The following UBE3D variants were observed in gnomAD, a reference collection of about 807,000 sequenced individuals.
UBE3D encodes the protein E3 ubiquitin-protein ligase E3D.
A neutral mutation model predicts 49.6 loss-of-function variants in UBE3D; 48 were observed. The observed-to-expected ratio is 0.97, with a 90% CI of 0.77 to 1.23. The LOEUF (loss-of-function observed/expected upper bound fraction) is 1.23. UBE3D is among the 50% of genes most tolerant of loss of function. The pLI is 0.00. For missense variants in UBE3D, 452 were observed against 468.4 expected (o/e 0.96, Z 0.32); for synonymous variants, 189 against 174.2 (o/e 1.08, Z -0.67).
At chr6:83,039,375 T>G (rs983235202) in intron 4 of UBE3D, among the ~76,000 whole-genome samples, 1 of 152,180 alleles carries the variant, frequency 6.6e-6, no homozygotes, top group Non-Finnish European at 1.5e-5. Context: ...AGGAAAAAAA[T>G]TTTAACTGAT....
rs1171465722 is a variant in UBE3D at position 83,053,156 on chromosome 6, TGTTA to T, written c.365+988_365+991del. Reference sequence around the variant, plus strand: ...AATTTTTTAAAAACTCATCAGCAATTGTTAGTGTTAGTGTATTTTATGTGTAGCC... The same window carrying T: ...AATTTTTTAAAAACTCATCAGCAATTGTGTTAGTGTATTTTATGTGTAGCC... On this transcript the variant is annotated intron_variant, in intron 3 of 9. Transcript: ENST00000369747. Among the ~76,000 whole-genome samples, 7 of 22,444 alleles carry T rather than the reference TGTTA, an allele frequency of 3.1e-4. No individual in the cohort carries two copies. The South Asian group carries it at 9.5e-3, about 30-fold the overall frequency. 14.7% of individuals were successfully genotyped at this position (22,444 alleles called of 152,430 possible). A position where few individuals can be genotyped will look rare whatever the true frequency, so the allele number is the denominator to read the frequency against.
chr6:82,998,109 G>T (rs1779371456), intron 8 of UBE3D, among the ~76,000 whole-genome samples: 1 of 152,234 alleles, frequency 6.6e-6, no homozygotes, highest in Non-Finnish European at 1.5e-5. Context: ...CTGAAGCCTT[G>T]CATAGGTACC....
chr6:82,901,599 G>T (rs61145837), intron 9 of UBE3D, among the ~76,000 whole-genome samples: 7,763 of 152,162 alleles, frequency 0.051, 612 homozygotes, highest in African/African-American at 0.17. Context: ...CCTCGAGAAG[G>T]GAATTGGATT....
chr6:83,054,697 G>C (rs1201271361), intron 2 of UBE3D, among the ~76,000 whole-genome samples: 1 of 151,920 alleles, frequency 6.6e-6, no homozygotes, highest in Non-Finnish European at 1.5e-5. Flanking sequence ...TGTCACCCAG[G>C]CTGGAGTGCA....
intron 9 of UBE3D, among the ~76,000 whole-genome samples, chr6:82,926,844 A>C (rs1482225702): frequency 6.6e-6 from 1 of 152,002 alleles, no homozygotes; most frequent in Non-Finnish European, 1.5e-5. Context: ...GCAAAGCAGA[A>C]ATTTTTATTT....
chr6:82,933,370 C>T (rs1582390009), intron 9 of UBE3D, among the ~76,000 whole-genome samples: 1 of 152,296 alleles, frequency 6.6e-6, no homozygotes, highest in South Asian at 2.1e-4. Context: ...TCATGAAAAA[C>T]AATTTCATTT....
intron 2 of UBE3D, among the ~76,000 whole-genome samples, chr6:83,056,024 A>G (rs765006316): frequency 1.2e-4 from 19 of 152,192 alleles, no homozygotes; most frequent in Non-Finnish European, 2.5e-4. Flanking sequence ...TCCTTTTCAG[A>G]TATTTGAGCA....
chr6:82,946,769 C>G (rs1479452708), intron 9 of UBE3D, among the ~76,000 whole-genome samples: 1 of 151,890 alleles, frequency 6.6e-6, no homozygotes, highest in African/African-American at 2.4e-5. Context: ...AAGTGGGGGA[C>G]AAAGTTAAAG....
chr6:82,916,921 A>T (rs191686286), intron 9 of UBE3D, among the ~76,000 whole-genome samples: 1 of 152,310 alleles, frequency 6.6e-6, no homozygotes, highest in African/African-American at 2.4e-5. Context: ...TGCCCTAAGA[A>T]GTCAGACACT....
intron 1 of UBE3D, among the ~76,000 whole-genome samples, chr6:83,058,362 T>G (rs1783949518): frequency 6.6e-6 from 1 of 152,108 alleles, no homozygotes; most frequent in Non-Finnish European, 1.5e-5. Context: ...CAAGATTCAG[T>G]GAAACAATGA....
At chr6:82,966,070 T>C (rs1413913994) in intron 8 of UBE3D, among the ~76,000 whole-genome samples, 1 of 152,190 alleles carries the variant, frequency 6.6e-6, no homozygotes, top group Non-Finnish European at 1.5e-5. Flanking sequence ...AACCGCCTCA[T>C]TATTTTTTTT....
intron 9 of UBE3D, among the ~76,000 whole-genome samples, chr6:82,941,359 T>A (rs183475267): frequency 1.8e-4 from 19 of 107,290 alleles, no homozygotes; most frequent in South Asian, 3.0e-4. Context: ...TAAAAAAAAA[T>A]AATGGCTATA....
At chr6:83,054,111 A>G (rs1562232877) in intron 3 of UBE3D, 37 bp downstream of exon 3, 5 of 1,527,602 alleles carry the variant, frequency 3.3e-6, no homozygotes, top group Admixed American at 1.7e-5. Context: ...AACCATTGCC[A>G]GGCACAGAAT....
intron 3 of UBE3D, among the ~76,000 whole-genome samples, chr6:83,047,138 T>A (rs1346152581): frequency 6.6e-6 from 1 of 152,222 alleles, no homozygotes; most frequent in Non-Finnish European, 1.5e-5. Flanking sequence ...CACACTGGAA[T>A]TAAGGGGTTA....
chr6:82,951,016 AAG>A, intron 9 of UBE3D, among the ~76,000 whole-genome samples: 1 of 152,292 alleles, frequency 6.6e-6, no homozygotes, highest in African/African-American at 2.4e-5. Context: ...AAAAAAAAGA[AAG>A]AATAAGATCT....
At chr6:82,936,205 T>C (rs1774563701) in intron 9 of UBE3D, among the ~76,000 whole-genome samples, 1 of 152,208 alleles carries the variant, frequency 6.6e-6, no homozygotes, top group African/African-American at 2.4e-5. Flanking sequence ...TAGACGTCAG[T>C]CTAACTACAT....
rs548878662 is a variant in UBE3D at position 83,054,883 on chromosome 6, T to A, written c.275-645A>T. Among the ~76,000 whole-genome samples the A allele has an allele frequency of 2.6e-5, 4 of 152,268 alleles. No homozygotes were observed. In the East Asian group the frequency reaches 7.7e-4, roughly 29 times the overall value. ...CCAGTCTGGTCTTGCATTCCTGACC[T>A]CGTAATCCCCTTGCCTCGGCCTCCC... is the stretch of plus-strand genomic sequence containing the variant. On this transcript the variant is annotated intron_variant, in intron 2 of 9. Coordinates refer to ENST00000369747, the MANE Select transcript of UBE3D (RefSeq NM_198920.3).
intron 9 of UBE3D, among the ~76,000 whole-genome samples, chr6:82,921,871 G>T (rs1773369410): frequency 6.6e-6 from 1 of 152,128 alleles, no homozygotes; most frequent in Non-Finnish European, 1.5e-5. Context: ...CGGCAAAACT[G>T]TAGACATTTT....
chr6:83,049,826 T>A, intron 3 of UBE3D: 1 of 470,556 alleles, frequency 2.1e-6, no homozygotes, highest in Non-Finnish European at 4.4e-6. Flanking sequence ...TTCATTCACA[T>A]ATGAGATGAA....
Sources: gnomAD v4.1 joint callset for allele counts (sites outside exome capture counted in the v4.1 genomes callset) on GRCh38, gnomAD v4.1.1 for gene constraint, MANE v1.5 for transcripts, NCBI Gene and HGNC (gene_info 2026-07-23, HGNC 2026-07-21) for gene names.